Variants in CD226 observed in about 807,000 individuals in gnomAD.
CD226 encodes the protein CD226 molecule.
CD226 carries 24 observed loss-of-function variants against 34.9 expected under a neutral mutation model. The observed-to-expected ratio is 0.69, with a 90% CI of 0.50 to 0.97. The LOEUF (loss-of-function observed/expected upper bound fraction) is 0.97. CD226 is among the 50% of genes least tolerant of loss of function. The pLI, the probability that CD226 is intolerant of heterozygous loss-of-function variation, is 0.00. For missense variants in CD226, 397 were observed against 412.7 expected (o/e 0.96, Z 0.33); for synonymous variants, 148 against 147.4 (o/e 1.00, Z -0.03).
chr18:69,930,610 A>T (rs2055577408), intron 2 of CD226, among the ~76,000 whole-genome samples: 1 of 152,194 alleles, frequency 6.6e-6, no homozygotes, highest in Non-Finnish European at 1.5e-5. Context: ...AGTGAGAATT[A>T]AAAAGAAGAC....
chr18:69,913,520 T>C (rs17081811), intron 2 of CD226, among the ~76,000 whole-genome samples: 6,468 of 152,296 alleles, frequency 0.042, 485 homozygotes, highest in African/African-American at 0.15. Flanking sequence ...TAGAATTTTA[T>C]TAATCTATGT....
rs116546014 is a variant in CD226, at chr18:69,934,649, C to T, written c.382+12085G>A. Among the ~76,000 whole-genome samples, 760 of 152,194 alleles carry T rather than the reference C, an allele frequency of 5.0e-3. 7 individuals are homozygous for T. Among genetic ancestry groups the T allele is most frequent in the African/African-American group, 0.017 (713 of 41,470 alleles). On this transcript the variant is annotated intron_variant, in intron 2 of 5. Transcript: ENST00000582621. ...TATTCTATGAAACATGGCTCTTTCT[C>T]TCGAGGCAGATTACAAAGAAGATTT...
intron 2 of CD226, among the ~76,000 whole-genome samples, chr18:69,932,039 A>G (rs543735381): frequency 1.1e-4 from 17 of 152,304 alleles, no homozygotes; most frequent in Non-Finnish European, 2.5e-4. Flanking sequence ...TTTGGAAACC[A>G]GTCATATTGG....
intron 2 of CD226, among the ~76,000 whole-genome samples, chr18:69,933,473 G>A (rs1599021375): frequency 6.6e-6 from 1 of 152,050 alleles, no homozygotes; most frequent in African/African-American, 2.4e-5. Context: ...CCAGGCCATG[G>A]TTTCCCCAAA....
upstream of CD226, among the ~76,000 whole-genome samples, chr18:69,950,474 G>A (rs532342506): frequency 6.6e-6 from 1 of 152,290 alleles, no homozygotes; most frequent in Admixed American, 6.5e-5. Context: ...ACAGGCATGG[G>A]AGAGAATGGC....
At chr18:69,918,394 A>T (rs538237043) in intron 2 of CD226, among the ~76,000 whole-genome samples, 5 of 152,216 alleles carry the variant, frequency 3.3e-5, no homozygotes, top group African/African-American at 1.2e-4. Context: ...CACTACTAAA[A>T]ATACAAAAAT....
upstream of CD226, among the ~76,000 whole-genome samples, chr18:69,960,337 C>T (rs182671109): frequency 3.9e-5 from 6 of 151,974 alleles, no homozygotes; most frequent in South Asian, 2.1e-4. Flanking sequence ...AAGGAAGCAA[C>T]GAACTGAACA....
upstream of CD226, among the ~76,000 whole-genome samples, chr18:69,952,134 A>G (rs1448944217): frequency 1.3e-5 from 2 of 152,186 alleles, no homozygotes; most frequent in Non-Finnish European, 2.9e-5. Flanking sequence ...CAACATAGAT[A>G]GACCGGGAAG....
At chr18:69,955,151 C>A (rs550099480) in intron 1 of CD226, among the ~76,000 whole-genome samples, 1 of 152,254 alleles carries the variant, frequency 6.6e-6, no homozygotes, top group South Asian at 2.1e-4. Context: ...TTCAGCCACA[C>A]TGTTCTTCTT....
At chr18:69,871,091 A>C (rs974081413) in intron 4 of CD226, among the ~76,000 whole-genome samples, 1 of 152,148 alleles carries the variant, frequency 6.6e-6, no homozygotes, top group Non-Finnish European at 1.5e-5. Context: ...CATGAAGCAA[A>C]ATTTTTCATG....
Position 69,854,657 on chromosome 18 carries a change from G to C in CD226, c.*9657C>G, listed in dbSNP as rs1287167306. 6.6e-6 allele frequency: 1 copy of C among 152,294 alleles called. No homozygotes were observed. Among genetic ancestry groups the C allele is most frequent in the Non-Finnish European group, 1.5e-5 (1 of 68,138 alleles). 9.4% of individuals were successfully genotyped at this position (152,294 alleles called of 1,614,324 possible). Reference sequence around the variant, plus strand: ...AAGAGGGAAAATAACAGTCAACAGGGGGCAGGCCTTCAAAGAAATACATTG... The same window carrying C: ...AAGAGGGAAAATAACAGTCAACAGGCGGCAGGCCTTCAAAGAAATACATTG... On this transcript the variant is annotated 3_prime_UTR_variant, in exon 6 of 6. Transcript: ENST00000582621.
At chr18:69,956,747 T>G (rs2055901066) in intron 1 of CD226, 1 of 152,230 alleles carries the variant, frequency 6.6e-6, no homozygotes, top group South Asian at 2.1e-4. Context: ...TCTGAGAAGG[T>G]TACTAACCTT....
chr18:69,867,376 T>G lies in CD226; in HGVS notation c.866A>C (p.Glu289Ala). 1 of 1,597,804 alleles carries G rather than the reference T, an allele frequency of 6.3e-7. No homozygotes were observed. Among genetic ancestry groups the G allele is most frequent in the Non-Finnish European group, 8.6e-7 (1 of 1,165,388 alleles). Residue 289 changes from glutamate to alanine, a missense_variant, in exon 5 of 6, where the codon GAG becomes GCG. Coordinates refer to ENST00000582621, the MANE Select transcript of CD226 (RefSeq NM_001303618.2). ...ACTTACCTTCTGTGTATCCCAGGAC[T>G]CTGTAAATAGATCTCTTCTCTCTCT... The part of the protein sequence containing the change: ...RRRERRDLFT[E>A]SWDTQKAPNN...
intron 2 of CD226, among the ~76,000 whole-genome samples, chr18:69,906,041 A>C (rs1317547371): frequency 6.6e-6 from 1 of 152,172 alleles, no homozygotes; most frequent in Non-Finnish European, 1.5e-5. Context: ...ATATTTTCTG[A>C]CCATGTCACT....
Position 69,939,702 on chromosome 18 carries a change from C to T in CD226, c.382+7032G>A, listed in dbSNP as rs138747454. Among the ~76,000 whole-genome samples the T allele has an allele frequency of 5.3e-3, 810 of 152,236 alleles. 5 individuals are homozygous for T. Among genetic ancestry groups the T allele is most frequent in the African/African-American group, 0.019 (769 of 41,530 alleles). On this transcript the variant is annotated intron_variant, in intron 2 of 5. Transcript: ENST00000582621. ...AAAACAGGTATGATGGTTAATTTTA[C>T]GTGTCAATTTGAAGGGTGTTTTGGG...
chr18:69,871,794 G>T (rs943087620), intron 4 of CD226, among the ~76,000 whole-genome samples: 1 of 152,194 alleles, frequency 6.6e-6, no homozygotes, highest in Non-Finnish European at 1.5e-5. Context: ...TTCAGTCAGG[G>T]TTAATGACAG....
At chr18:69,870,354 A>T (rs767987283) in intron 4 of CD226, among the ~76,000 whole-genome samples, 2 of 143,212 alleles carry the variant, frequency 1.4e-5, no homozygotes, top group Non-Finnish European at 3.0e-5. Context: ...GGCTCACTGC[A>T]ACCTCCATCT....
intron 3 of CD226, among the ~76,000 whole-genome samples, chr18:69,879,353 C>T (rs1380340075): frequency 1.3e-5 from 2 of 152,200 alleles, no homozygotes; most frequent in East Asian, 3.9e-4. Flanking sequence ...CAGACACCCC[C>T]CGCTGAGAGG....
At chr18:69,896,872 C>G (rs1053670845) in intron 2 of CD226, among the ~76,000 whole-genome samples, 1 of 152,120 alleles carries the variant, frequency 6.6e-6, no homozygotes, top group Non-Finnish European at 1.5e-5. Flanking sequence ...TAGAGTAGGG[C>G]CCCACATGTG....
Sources: allele counts gnomAD v4.1 joint callset (sites outside exome capture counted in the v4.1 genomes callset), GRCh38; gene constraint gnomAD v4.1.1; transcripts MANE v1.5; gene names NCBI Gene and HGNC (gene_info 2026-07-23, HGNC 2026-07-21).